Variants in PTPN2 observed in about 807,000 individuals in gnomAD.
PTPN2 encodes protein tyrosine phosphatase non-receptor type 2, also known as tyrosine-protein phosphatase non-receptor type 2.
In PTPN2, 19 loss-of-function variants were observed where a neutral mutation model predicts 57.3. The observed-to-expected ratio is 0.33, with a 90% CI of 0.23 to 0.49. The LOEUF (loss-of-function observed/expected upper bound fraction) is 0.49. Ranked by LOEUF, PTPN2 falls within the 20% of genes least tolerant of loss-of-function variation. PTPN2 has a pLI of 0.99. For missense variants in PTPN2, 358 were observed against 501.1 expected (o/e 0.71, Z 2.73); for synonymous variants, 153 against 164.9 (o/e 0.93, Z 0.55).
At chr18:12,864,579 T>C (rs1353411129) in intron 1 of PTPN2, among the ~76,000 whole-genome samples, 1 of 152,016 alleles carries the variant, frequency 6.6e-6, no homozygotes, top group Admixed American at 6.6e-5. Flanking sequence ...TTTGTATTTT[T>C]AGTAGAGACG....
intron 7 of PTPN2, among the ~76,000 whole-genome samples, chr18:12,805,145 GA>G (rs1261689271): frequency 6.6e-6 from 1 of 152,130 alleles, no homozygotes; most frequent in South Asian, 2.1e-4. Flanking sequence ...AACAGATGCA[GA>G]AAAACCATTT....
At chr18:12,881,830 T>C (rs957689289) in intron 1 of PTPN2, among the ~76,000 whole-genome samples, 7 of 152,224 alleles carry the variant, frequency 4.6e-5, no homozygotes, top group African/African-American at 1.7e-4. Flanking sequence ...ATGTATCACT[T>C]TAACGTTTTC....
At position 12,884,180 on chromosome 18, in the gene PTPN2, G is replaced by A. The variant is rs758160986; in HGVS notation, c.-39C>T. ...AGCTGGCGCGAGCAGAGCCTGCGCCGGCGGAGAGGCTCAGGCCCCGCACGA... is the reference window on the plus strand; with the variant it reads ...AGCTGGCGCGAGCAGAGCCTGCGCCAGCGGAGAGGCTCAGGCCCCGCACGA... On this transcript the variant is annotated 5_prime_UTR_variant, in exon 1 of 9. Transcript: ENST00000309660. 3.3e-6 allele frequency: 5 copies of A among 1,526,720 alleles called. No homozygotes were observed. The highest frequency in any genetic ancestry group is 2.8e-5 in the African/African-American group (2 of 71,340). The allele number at this position is 1,526,720 out of a possible 1,614,324, so 94.6% of individuals were successfully genotyped here.
chr18:12,883,447 G>A (rs1465401537), intron 1 of PTPN2, among the ~76,000 whole-genome samples: 1 of 152,148 alleles, frequency 6.6e-6, no homozygotes, highest in African/African-American at 2.4e-5. Flanking sequence ...CCCAACCACC[G>A]CGGCTCCGCC....
Position 12,802,126 on chromosome 18 carries a change from T to G in PTPN2, c.884A>C (p.Glu295Ala). The G allele has an allele frequency of 6.2e-7, 1 of 1,608,258 alleles. No homozygotes were observed. The change falls in exon 8 of 9, where the codon GAA becomes GCA. Residue 295 changes from glutamate to alanine, a missense_variant. This residue lies in a region of PTPN2 where 193 missense variants were observed against 315.4 expected (regional missense o/e 0.61). Coordinates refer to ENST00000309660, the MANE Select transcript of PTPN2 (RefSeq NM_002828.4). ...IQKRWKELSK[E>A]DLSPAFDHSP... ...ATGATCAAAGGCAGGAGATAAGTCT[T>G]CCTTAGAAAGTTCTTTCCATCGTTT...
intron 1 of PTPN2, among the ~76,000 whole-genome samples, chr18:12,879,871 C>T (rs1176489954): frequency 1.3e-5 from 2 of 152,206 alleles, no homozygotes; most frequent in Non-Finnish European, 2.9e-5. Context: ...CACAACTCTT[C>T]AAAAACATTA....
chr18:12,799,974 C>G (rs921853167), intron 8 of PTPN2, among the ~76,000 whole-genome samples: 2 of 152,122 alleles, frequency 1.3e-5, no homozygotes, highest in African/African-American at 4.8e-5. Flanking sequence ...AATCAGACTT[C>G]TCCGCTTAGA....
intron 1 of PTPN2, among the ~76,000 whole-genome samples, chr18:12,882,593 A>G (rs2044699229): frequency 6.6e-6 from 1 of 152,254 alleles, no homozygotes; most frequent in African/African-American, 2.4e-5. Flanking sequence ...ACTGGAGAAG[A>G]TGCAGCTGGC....
chr18:12,819,170 T>C (rs752880575), intron 5 of PTPN2: 5 of 899,078 alleles, frequency 5.6e-6, no homozygotes, highest in East Asian at 5.6e-5. Flanking sequence ...TAAGGTATAA[T>C]ACTAATAAAA....
At chr18:12,815,453 G>A (rs1170266311) in intron 6 of PTPN2, among the ~76,000 whole-genome samples, 1 of 151,894 alleles carries the variant, frequency 6.6e-6, no homozygotes, top group Non-Finnish European at 1.5e-5. Context: ...AAAATAAAAT[G>A]AAGAAAGACG....
intron 1 of PTPN2, chr18:12,883,772 T>C (rs981730337): frequency 6.1e-5 from 17 of 279,842 alleles, no homozygotes; most frequent in Admixed American, 1.1e-4. Flanking sequence ...CGCGCAACGC[T>C]GGTGGCGCAT....
At chr18:12,819,330 T>C (rs2042192126) in intron 5 of PTPN2, 1 of 855,300 alleles carries the variant, frequency 1.2e-6, no homozygotes, top group African/African-American at 1.8e-5. Flanking sequence ...ATGATCATGG[T>C]TTCTACGCTT....
chr18:12,837,783 A>G (rs963889918), intron 2 of PTPN2, among the ~76,000 whole-genome samples: 1 of 152,206 alleles, frequency 6.6e-6, no homozygotes, highest in East Asian at 1.9e-4. Flanking sequence ...CTTTTAAATG[A>G]AAAAACTGTT....
chr18:12,856,925 T>C (rs755600278), intron 2 of PTPN2, among the ~76,000 whole-genome samples: 7 of 151,686 alleles, frequency 4.6e-5, no homozygotes, highest in Non-Finnish European at 8.8e-5. Flanking sequence ...CCGGGCATGG[T>C]GGTGCACACC....
intron 3 of PTPN2, among the ~76,000 whole-genome samples, chr18:12,836,260 G>A (rs144167436): frequency 8.5e-5 from 13 of 152,344 alleles, no homozygotes; most frequent in African/African-American, 1.4e-4. Context: ...TGGCTGATGC[G>A]CTCAGAGGCA....
intron 5 of PTPN2, among the ~76,000 whole-genome samples, chr18:12,820,176 A>G (rs59059172): frequency 0.015 from 2,239 of 152,234 alleles, 56 homozygotes; most frequent in African/African-American, 0.052. Flanking sequence ...GGGATATTGG[A>G]AGCCAGTTCC....
At chr18:12,815,878 C>T (rs565303721) in intron 6 of PTPN2, among the ~76,000 whole-genome samples, 2 of 152,284 alleles carry the variant, frequency 1.3e-5, no homozygotes, top group East Asian at 1.9e-4. Flanking sequence ...TATTAATTCA[C>T]CTGGGAATCT....
rs190109376 is a variant in PTPN2, at chr18:12,801,693, G to A, written c.1040+277C>T. 2.9e-3 allele frequency: 841 copies of A among 285,726 alleles called. 10 individuals carry two copies. Among genetic ancestry groups the A allele is most frequent in the African/African-American group, 0.017 (754 of 44,050 alleles). 17.7% of individuals were successfully genotyped at this position (285,726 alleles called of 1,614,324 possible). ...AGTGATCCTCCCACTTCAGTCTCCC[G>A]AGTGGCTGGGACCACAGGCTCGCAT... On this transcript the variant is annotated intron_variant, in intron 8 of 8. Transcript: ENST00000309660.
exon 10 of PTPN2, chr18:12,785,742 T>G: frequency 7.5e-7 from 1 of 1,336,110 alleles, no homozygotes; most frequent in Non-Finnish European, 1.1e-6. Flanking sequence ...TCACTTTAGT[T>G]TCCGGAGTGG....
Sources: gnomAD v4.1 joint callset for allele counts (sites outside exome capture counted in the v4.1 genomes callset) on GRCh38, gnomAD v4.1.1 for gene constraint, gnomAD v4.1.1 regional missense constraint, MANE v1.5 for transcripts, NCBI Gene and HGNC (gene_info 2026-07-23, HGNC 2026-07-21) for gene names.